Variants in CISD2 observed in about 807,000 individuals in gnomAD.
The protein encoded by CISD2 is CDGSH iron-sulfur domain-containing protein 2.
In CISD2, 1 loss-of-function variant was observed where a neutral mutation model predicts 12.9. That is an observed-to-expected ratio of 0.08 (90% CI 0.03 to 0.37). CISD2 has a LOEUF of 0.37. Ranked by LOEUF, CISD2 falls within the 10% of genes least tolerant of loss-of-function variation. The pLI, the probability that CISD2 is intolerant of heterozygous loss-of-function variation, is 0.99. For missense variants in CISD2, 97 were observed against 163.1 expected (o/e 0.59, Z 2.21); for synonymous variants, 50 against 60.6 (o/e 0.83, Z 0.81).
intron 2 of CISD2, among the ~76,000 whole-genome samples, chr4:102,886,364 A>G (rs1328406672): frequency 6.6e-6 from 1 of 151,802 alleles, no homozygotes; most frequent in Non-Finnish European, 1.5e-5. Context: ...GGTGGCATGC[A>G]CCTGTAGTCC....
At chr4:102,873,749 A>AT (rs1465061130) in intron 1 of CISD2, among the ~76,000 whole-genome samples, 1 of 136,218 alleles carries the variant, frequency 7.3e-6, no homozygotes, top group Non-Finnish European at 1.6e-5. Flanking sequence ...AAAAAAAAAA[A>AT]GGGATGTAAA....
intron 1 of CISD2, among the ~76,000 whole-genome samples, chr4:102,871,845 C>A (rs1413125678): frequency 6.6e-6 from 1 of 151,992 alleles, no homozygotes; most frequent in African/African-American, 2.4e-5. Context: ...TTATTATTGC[C>A]TACATTTCCT....
rs1354238509 is a variant in CISD2, at chr4:102,887,609, AT to A, written c.*181del. On this transcript the variant is annotated 3_prime_UTR_variant, in exon 3 of 3. Coordinates refer to ENST00000273986, the MANE Select transcript of CISD2 (RefSeq NM_001008388.5). ...TAGAAATTAAATTGTCAAGCCTCTT[AT>A]TCTGACTTCAAAGAATTAATGTATC... 1 of 471,852 alleles carries A rather than the reference AT, an allele frequency of 2.1e-6. No individual in the cohort carries two copies. Among genetic ancestry groups the A allele is most frequent in the Non-Finnish European group, 3.8e-6 (1 of 262,890 alleles). 29.2% of individuals were successfully genotyped at this position (471,852 alleles called of 1,614,324 possible).
At chr4:102,870,848 AT>A (rs1733426025) in intron 1 of CISD2, among the ~76,000 whole-genome samples, 1 of 152,206 alleles carries the variant, frequency 6.6e-6, no homozygotes, top group Admixed American at 6.5e-5. Flanking sequence ...GGGCCTAACC[AT>A]TCATTCCCTT....
intron 1 of CISD2, among the ~76,000 whole-genome samples, chr4:102,878,404 C>T (rs761608578): frequency 5.3e-5 from 8 of 152,220 alleles, no homozygotes; most frequent in Non-Finnish European, 8.8e-5. Context: ...GCTAGGATTA[C>T]AGGCATGGGC....
intron 1 of CISD2, 93 bp from the exon 2 acceptor site, chr4:102,885,123 G>A: frequency 7.7e-6 from 8 of 1,039,100 alleles, no homozygotes; most frequent in Non-Finnish European, 1.2e-5. Flanking sequence ...AATGTAAAAA[G>A]TAACAAAGAA....
rs1733757020 is a variant in CISD2, at chr4:102,882,827, A to ACC, written c.104-2386_104-2385dup. 2.0e-5 allele frequency: 3 copies of ACC among 152,318 alleles called. No homozygotes were observed. In the South Asian group the frequency reaches 6.2e-4, roughly 32 times the overall value. The allele number at this position is 152,318 out of a possible 1,614,324, so 9.4% of individuals were successfully genotyped here. On this transcript the variant is annotated intron_variant, in intron 1 of 2. Coordinates refer to ENST00000273986, the MANE Select transcript of CISD2 (RefSeq NM_001008388.5). ...AATGGCATGATCTCGGCTCACTGCA[A>ACC]CCCCTGCCTCCTGAATTCAAGCGAT...
At chr4:102,884,138 A>G (rs1384698241) in intron 1 of CISD2, among the ~76,000 whole-genome samples, 2 of 152,178 alleles carry the variant, frequency 1.3e-5, no homozygotes, top group Non-Finnish European at 2.9e-5. Context: ...ATTCATGATA[A>G]CTGACAACAG....
chr4:102,883,207 C>A (rs1483481380), intron 1 of CISD2, among the ~76,000 whole-genome samples: 1 of 152,176 alleles, frequency 6.6e-6, no homozygotes, highest in Non-Finnish European at 1.5e-5. Flanking sequence ...CCCATGCCCC[C>A]AACCACCTCC....
At position 102,869,168 on chromosome 4, in the gene CISD2, C is replaced by G. The variant is rs1463339439; in HGVS notation, c.84C>G (p.Thr28=). Residue 28 remains threonine (T), a synonymous_variant, in exon 1 of 3, where the codon ACC becomes ACG. Transcript: ENST00000273986. ...LKRLPVPESI[T]GFARLTVSEW... ...GGCTCCCAGTCCCTGAAAGCATTAC[C>G]GGGTTCGCTAGGCTCACAGGTAATC... is the stretch of plus-strand genomic sequence containing the variant. 1 of 1,610,362 alleles carries G rather than the reference C, an allele frequency of 6.2e-7. No individual in the cohort carries two copies. Among genetic ancestry groups the G allele is most frequent in the African/African-American group, 1.3e-5 (1 of 74,866 alleles).
intron 1 of CISD2, among the ~76,000 whole-genome samples, chr4:102,880,219 C>T (rs1733683062): frequency 6.6e-6 from 1 of 152,186 alleles, no homozygotes; most frequent in African/African-American, 2.4e-5. Flanking sequence ...GCTGGAATTA[C>T]AGGCGTAAGC....
At position 102,890,146 on chromosome 4, in the gene CISD2, A is replaced by G. The variant is rs1181024183; in HGVS notation, c.*2716A>G. 6.6e-6 allele frequency: 1 copy of G among 152,230 alleles called. No homozygotes were observed. Among genetic ancestry groups the G allele is most frequent in the African/African-American group, 2.4e-5 (1 of 41,460 alleles). 9.4% of individuals were successfully genotyped at this position (152,230 alleles called of 1,614,324 possible). ...TCATATGGGTAATTAAGCAAGTTGAATTATGGAAAGCACCTCACAATTCAC... is the reference window on the plus strand; with the variant it reads ...TCATATGGGTAATTAAGCAAGTTGAGTTATGGAAAGCACCTCACAATTCAC... On this transcript the variant is annotated 3_prime_UTR_variant, in exon 3 of 3. Transcript: ENST00000273986.
chr4:102,872,411 A>G (rs1379833815), intron 1 of CISD2, among the ~76,000 whole-genome samples: 2 of 152,202 alleles, frequency 1.3e-5, no homozygotes, highest in East Asian at 3.8e-4. Context: ...TCATGCATTG[A>G]AAATATTTTA....
intron 1 of CISD2, among the ~76,000 whole-genome samples, chr4:102,876,687 T>C (rs538808187): frequency 6.6e-6 from 1 of 152,036 alleles, no homozygotes; most frequent in South Asian, 2.1e-4. Flanking sequence ...GAGGTGGAGA[T>C]TGCAGTGAGC....
intron 1 of CISD2, among the ~76,000 whole-genome samples, chr4:102,882,094 A>G (rs1733735112): frequency 1.3e-5 from 2 of 152,162 alleles, no homozygotes; most frequent in Non-Finnish European, 2.9e-5. Context: ...TGGGAGGCTG[A>G]GGCAGGAGGA....
intron 1 of CISD2, chr4:102,874,813 T>A (rs551612039): frequency 6.6e-6 from 1 of 152,262 alleles, no homozygotes; most frequent in African/African-American, 2.4e-5. Context: ...TAATGGCCAC[T>A]ACCTTAGTTT....
intron 2 of CISD2, among the ~76,000 whole-genome samples, chr4:102,887,105 A>C (rs1733966018): frequency 6.6e-6 from 1 of 152,218 alleles, no homozygotes; most frequent in South Asian, 2.1e-4. Flanking sequence ...TTAATCACTC[A>C]TATGGACTCA....
rs1734160958 is a variant in CISD2, at chr4:102,890,068, A to G, written c.*2638A>G. The G allele has an allele frequency of 6.6e-6, 1 of 152,224 alleles. No homozygotes were observed. Among genetic ancestry groups the G allele is most frequent in the South Asian group, 2.1e-4 (1 of 4,834 alleles). 9.4% of individuals were successfully genotyped at this position (152,224 alleles called of 1,614,324 possible). On this transcript the variant is annotated 3_prime_UTR_variant, in exon 3 of 3. Transcript: ENST00000273986. ...CTCAGCAAATGAACATCACTATTAC[A>G]TAAACATCAGGTATCCAAAAGTGTT...
At position 102,872,237 on chromosome 4, in the gene CISD2, T is replaced by G. The variant is rs568645023; in HGVS notation, c.103+3050T>G. On this transcript the variant is annotated intron_variant, in intron 1 of 2. Transcript: ENST00000273986. ...GCATGTGCCACCATGCCTGGCTAATTTTTTGTATTTTTAGTAGAGACGGAG... is the reference window on the plus strand; with the variant it reads ...GCATGTGCCACCATGCCTGGCTAATGTTTTGTATTTTTAGTAGAGACGGAG... Among the ~76,000 whole-genome samples, 204 of 152,080 alleles carry G rather than the reference T, an allele frequency of 1.3e-3. No homozygotes were observed. In the Middle Eastern group the frequency reaches 0.017, roughly 13 times the overall value.
Sources: gnomAD v4.1 joint callset for allele counts (sites outside exome capture counted in the v4.1 genomes callset) on GRCh38, gnomAD v4.1.1 for gene constraint, MANE v1.5 for transcripts, NCBI Gene and HGNC (gene_info 2026-07-23, HGNC 2026-07-21) for gene names.